Variants in RFC4 observed in about 807,000 individuals in gnomAD.
RFC4 encodes replication factor C subunit 4.
Under a neutral mutation model 47.6 loss-of-function variants are expected in RFC4, and 38 were observed. The ratio of observed to expected loss-of-function variants is 0.80; its 90% CI spans 0.62 to 1.05. The LOEUF (loss-of-function observed/expected upper bound fraction) is 1.05. Ranked by LOEUF, RFC4 falls within the 50% of genes least tolerant of loss-of-function variation. The probability of loss-of-function intolerance (pLI) is 0.00; values close to 1 mark genes in which losing one functional copy is unlikely to be tolerated. For synonymous variants in RFC4, 164 were observed against 150.0 expected (o/e 1.09, Z -0.68); for missense variants, 489 against 434.0 (o/e 1.13, Z -1.13).
At position 186,791,861 on chromosome 3, in the gene RFC4, A is replaced by G; in HGVS notation, c.676-11T>C. ...AAGATAAGCTATTCCCTGAAGAGAA[A>G]AGAGTTGTTTTTAACCTATGATGGC... On this transcript the variant is annotated splice_polypyrimidine_tract_variant and intron_variant, in intron 7 of 10. Coordinates refer to ENST00000296273, the MANE Select transcript of RFC4 (RefSeq NM_002916.5). The G allele has an allele frequency of 6.2e-7, 1 of 1,608,636 alleles. No individual in the cohort carries two copies. Among genetic ancestry groups the G allele is most frequent in the Non-Finnish European group, 8.5e-7 (1 of 1,176,704 alleles).
intron 3 of RFC4, among the ~76,000 whole-genome samples, chr3:186,799,979 A>G (rs1008648738): frequency 1.3e-5 from 2 of 152,042 alleles, no homozygotes; most frequent in Non-Finnish European, 2.9e-5. Flanking sequence ...TTGAGACCAG[A>G]GTCTCACTCT....
chr3:186,798,674 G>A (rs1722292998), intron 3 of RFC4, among the ~76,000 whole-genome samples: 1 of 152,028 alleles, frequency 6.6e-6, no homozygotes, highest in African/African-American at 2.4e-5. Flanking sequence ...CCGAACATAT[G>A]TTGCTCCCAT....
Position 186,790,839 on chromosome 3 carries a change from A to G in RFC4, c.802-433T>C, listed in dbSNP as rs1019025944. On this transcript the variant is annotated intron_variant, in intron 8 of 10. Transcript: ENST00000296273. ...TTGGTTTAAAAAGTCCACAATATCCAGAAAATTAAAGAGGATTAGTGGTAC... is the reference window on the plus strand; with the variant it reads ...TTGGTTTAAAAAGTCCACAATATCCGGAAAATTAAAGAGGATTAGTGGTAC... Among the ~76,000 whole-genome samples, 25 of 152,250 alleles carry G rather than the reference A, an allele frequency of 1.6e-4. 1 individual carries two copies. Among genetic ancestry groups the G allele is most frequent in the African/African-American group, 5.8e-4 (24 of 41,476 alleles).
Position 186,794,699 on chromosome 3 carries a change from C to T in RFC4, c.369G>A (p.Val123=). ...ACACAGTTAATTGAGCAAAATTTTT[C>T]ACTTTCTCTCGAACTACTTGTATTC... ...ERGIQVVREK[V]KNFAQLTVSG... The change falls in exon 5 of 11, where the codon GTG becomes GTA. Residue 123 remains valine (V), a synonymous_variant. Coordinates refer to ENST00000296273, the MANE Select transcript of RFC4 (RefSeq NM_002916.5). 1 of 1,614,062 alleles carries T rather than the reference C, an allele frequency of 6.2e-7. No homozygotes were observed. Among genetic ancestry groups the T allele is most frequent in the Non-Finnish European group, 8.5e-7 (1 of 1,179,980 alleles).
At chr3:186,799,330 C>T (rs1722304862) in intron 3 of RFC4, among the ~76,000 whole-genome samples, 1 of 152,120 alleles carries the variant, frequency 6.6e-6, no homozygotes, top group African/African-American at 2.4e-5. Context: ...TTTTCCTTTA[C>T]TCTTTTGAAT....
intron 1 of RFC4, 162 bp from the exon 2 acceptor site, chr3:186,804,886 C>T: frequency 1.6e-6 from 1 of 632,542 alleles, no homozygotes; most frequent in East Asian, 2.8e-5. Flanking sequence ...AAGGACATCA[C>T]CCCATGACCT....
rs778205938 is a variant in RFC4 at position 186,801,200 on chromosome 3, C to A, written c.132-5G>T. The A allele has an allele frequency of 3.7e-6, 6 of 1,612,530 alleles. No homozygotes were observed. The Admixed American group carries it at 5.0e-5, about 13-fold the overall frequency. On this transcript the variant is annotated splice_region_variant and splice_polypyrimidine_tract_variant and intron_variant, in intron 2 of 10. Coordinates refer to ENST00000296273, the MANE Select transcript of RFC4 (RefSeq NM_002916.5). ...TCATCCACACATTTTGGGCGACTTG[C>A]GGGGTGAGAAGGAGGAAAGAGGTTA...
chr3:186,792,146 G>A (rs1722154837), intron 7 of RFC4, among the ~76,000 whole-genome samples: 1 of 152,100 alleles, frequency 6.6e-6, no homozygotes, highest in Non-Finnish European at 1.5e-5. Context: ...TAATGAATAA[G>A]GGCCTTATGT....
rs1255725956 is a variant in RFC4, at chr3:186,801,195, A to G, written c.132T>C (p.Tyr44=). ...CAACTTCATCCACACATTTTGGGCGACTTGCGGGGTGAGAAGGAGGAAAGA... is the reference window on the plus strand; with the variant it reads ...CAACTTCATCCACACATTTTGGGCGGCTTGCGGGGTGAGAAGGAGGAAAGA... The part of the protein sequence containing the change: ...KAKPVPWVEK[Y]RPKCVDEVAF... The change falls in exon 3 of 11, where the codon TAT becomes TAC. Residue 44 remains tyrosine, a splice_region_variant and synonymous_variant. Transcript: ENST00000296273. The G allele has an allele frequency of 1.2e-6, 2 of 1,613,652 alleles. No individual in the cohort carries two copies. Among genetic ancestry groups the G allele is most frequent in the Non-Finnish European group, 1.7e-6 (2 of 1,179,648 alleles).
chr3:186,801,118 T>C lies in RFC4; in HGVS notation c.209A>G (p.Asp70Gly), dbSNP rs752318851. 6.2e-7 allele frequency: 1 copy of C among 1,611,266 alleles called. No individual in the cohort carries two copies. The highest frequency in any genetic ancestry group is 1.1e-5 in the South Asian group (1 of 91,026). Residue 70 changes from aspartate (D) to glycine (G), a missense_variant and splice_region_variant, in exon 3 of 11, where the codon GAT becomes GGT. Transcript: ENST00000296273. ...CATTAAACACCATTTGCAACTCACA[T>C]CTGCTCCTTCTAAAGATTTTTTCAG... The part of the protein sequence containing the change: ...AVLKKSLEGA[D>G]LPNLLFYGPP...
chr3:186,804,821 T>C, intron 1 of RFC4, 97 bp from the exon 2 acceptor site: 1 of 1,198,144 alleles, frequency 8.3e-7, no homozygotes, highest in Non-Finnish European at 1.2e-6. Context: ...GGAACCATTA[T>C]GAGAAAGTAC....
intron 8 of RFC4, 73 bp from the exon 9 acceptor site, chr3:186,790,479 C>A: frequency 1.9e-6 from 2 of 1,050,356 alleles, no homozygotes; most frequent in Non-Finnish European, 3.0e-6. Flanking sequence ...AACTGGCCCC[C>A]GTGCCCCCAG....
chr3:186,790,650 A>G (rs542199052), intron 8 of RFC4, among the ~76,000 whole-genome samples: 154 of 152,234 alleles, frequency 1.0e-3, no homozygotes, highest in African/African-American at 3.6e-3. Flanking sequence ...TTGGGCACAC[A>G]TGGATTATAG....
intron 6 of RFC4, 24 bp from the exon 7 acceptor site, chr3:186,792,634 G>C (rs377273954): frequency 1.4e-4 from 229 of 1,598,144 alleles, no homozygotes; most frequent in Non-Finnish European, 1.8e-4. Flanking sequence ...GAAAAACCAA[G>C]TTGGTGTCTA....
intron 8 of RFC4, among the ~76,000 whole-genome samples, chr3:186,790,772 C>G (rs1453682571): frequency 6.6e-6 from 1 of 152,166 alleles, no homozygotes; most frequent in Non-Finnish European, 1.5e-5. Flanking sequence ...GGGGAAGTGC[C>G]CTTTCTCTCA....
chr3:186,803,371 A>G (rs997890202), intron 2 of RFC4, among the ~76,000 whole-genome samples: 1 of 152,076 alleles, frequency 6.6e-6, no homozygotes, highest in Admixed American at 6.6e-5. Context: ...AAAGGCAAGC[A>G]AAAAACAAAA....
Position 186,790,078 on chromosome 3 carries a change from T to TTAAGA in RFC4, c.997-19_997-15dup, listed in dbSNP as rs1294179333. 1 of 1,611,200 alleles carries TTAAGA rather than the reference T, an allele frequency of 6.2e-7. No homozygotes were observed. Among genetic ancestry groups the TTAAGA allele is most frequent in the African/African-American group, 1.3e-5 (1 of 74,876 alleles). On this transcript the variant is annotated splice_polypyrimidine_tract_variant and intron_variant, in intron 10 of 10. Coordinates refer to ENST00000296273, the MANE Select transcript of RFC4 (RefSeq NM_002916.5). ...TTTGTCAACTTCCTACGAGAAAAAT[T>TTAAGA]TAAGAAATTAGCATCCTTCAGGTAG...
rs748553683 is a variant in RFC4, at chr3:186,797,618, T to C, written c.211-4A>G. 1 of 1,588,350 alleles carries C rather than the reference T, an allele frequency of 6.3e-7. No individual in the cohort carries two copies. Among genetic ancestry groups the C allele is most frequent in the Non-Finnish European group, 8.6e-7 (1 of 1,162,916 alleles). On this transcript the variant is annotated splice_region_variant and splice_polypyrimidine_tract_variant and intron_variant, in intron 3 of 10. Transcript: ENST00000296273. ...CGTAAAACAAGAGATTAGGAAGCTGTAGAAATTAAATTTTATTTTTAATAA... is the reference window on the plus strand; with the variant it reads ...CGTAAAACAAGAGATTAGGAAGCTGCAGAAATTAAATTTTATTTTTAATAA...
In RFC4 at chr3:186,789,960, A is replaced by G. The variant is rs773534752; in HGVS notation, c.*9T>C. 1.9e-5 allele frequency: 29 copies of G among 1,542,990 alleles called. No individual in the cohort carries two copies. Among genetic ancestry groups the G allele is most frequent in the Middle Eastern group, 1.7e-4 (1 of 5,938 alleles). On this transcript the variant is annotated 3_prime_UTR_variant, in exon 11 of 11. Coordinates refer to ENST00000296273, the MANE Select transcript of RFC4 (RefSeq NM_002916.5). Reference sequence around the variant, plus strand: ...TATTTACAAAACCCCCCATCCAGATATATTCACGTTAACAATTCTGAGATA... The same window carrying G: ...TATTTACAAAACCCCCCATCCAGATGTATTCACGTTAACAATTCTGAGATA...
Sources: allele counts gnomAD v4.1 joint callset (sites outside exome capture counted in the v4.1 genomes callset), GRCh38; gene constraint gnomAD v4.1.1; transcripts MANE v1.5; gene names NCBI Gene and HGNC (gene_info 2026-07-23, HGNC 2026-07-21).